Variants in PDZD2 observed in about 807,000 individuals in gnomAD.
PDZD2 encodes PDZ domain containing 2.
PDZD2 carries 90 observed loss-of-function variants against 220.7 expected under a neutral mutation model. The observed-to-expected ratio is 0.41, with a 90% CI of 0.34 to 0.49. PDZD2 has a LOEUF of 0.49. Among genes scored for constraint, PDZD2 ranks in the 20% least tolerant of loss-of-function variants. The pLI is 0.28. For synonymous variants in PDZD2, 1,375 were observed against 1,450.5 expected, an observed-to-expected ratio of 0.95 and a Z score of 1.18; for missense variants, 3,174 against 3,608.5, an observed-to-expected ratio of 0.88 and a Z score of 3.08.
intron 9 of PDZD2, 60 bp downstream of exon 9, chr5:32,052,790 T>C: frequency 6.6e-7 from 1 of 1,514,792 alleles, no homozygotes; most frequent in South Asian, 1.2e-5. Flanking sequence ...ACATTTTTTG[T>C]TTTATTTTAT....
At chr5:31,779,665 G>A (rs1253463491) in intron 1 of PDZD2, among the ~76,000 whole-genome samples, 7 of 152,050 alleles carry the variant, frequency 4.6e-5, no homozygotes, top group Non-Finnish European at 5.9e-5. Context: ...GAGCCACCGC[G>A]CCCGGCCAAA....
At position 31,908,514 on chromosome 5, in the gene PDZD2, T is replaced by C. The variant is rs531508729; in HGVS notation, c.477-74641T>C. 1.1e-4 allele frequency: 113 copies of C among 1,072,304 alleles called. No individual in the cohort carries two copies. The African/African-American group carries it at 1.6e-3, about 15-fold the overall frequency. The allele number at this position is 1,072,304 out of a possible 1,614,324, so 66.4% of individuals were successfully genotyped here. A position where few individuals can be genotyped will look rare whatever the true frequency, so the allele number is the denominator to read the frequency against. ...CGCTCATTGGTGGAAATGCCTCCGC[T>C]GAAGGCCCCGAGGGCGAGGGCACGG... On this transcript the variant is annotated intron_variant, in intron 2 of 24. Coordinates refer to ENST00000438447, the MANE Select transcript of PDZD2 (RefSeq NM_178140.4).
chr5:32,055,357 G>A (rs1738997862), intron 10 of PDZD2, among the ~76,000 whole-genome samples: 1 of 151,848 alleles, frequency 6.6e-6, no homozygotes, highest in Non-Finnish European at 1.5e-5. Flanking sequence ...GTGCACCACT[G>A]TGCCCAGCTA....
At chr5:31,871,097 C>T (rs1738752072) in intron 2 of PDZD2, among the ~76,000 whole-genome samples, 1 of 152,070 alleles carries the variant, frequency 6.6e-6, no homozygotes, top group South Asian at 2.1e-4. Flanking sequence ...TCTAAGTTAG[C>T]ATTAATTTAT....
intron 1 of PDZD2, among the ~76,000 whole-genome samples, chr5:31,794,698 C>T (rs771236608): frequency 1.4e-4 from 22 of 152,036 alleles, no homozygotes; most frequent in East Asian, 3.8e-4. Context: ...TGAACCACTA[C>T]GCCCAGCCCA....
At chr5:32,039,515 C>T (rs2112235354) in intron 7 of PDZD2, among the ~76,000 whole-genome samples, 1 of 152,340 alleles carries the variant, frequency 6.6e-6, no homozygotes, top group South Asian at 2.1e-4. Flanking sequence ...ACAGCCTCTG[C>T]CCGCCCGCCA....
At chr5:31,866,102 A>G (rs1185180938) in intron 2 of PDZD2, among the ~76,000 whole-genome samples, 2 of 151,968 alleles carry the variant, frequency 1.3e-5, no homozygotes, top group Non-Finnish European at 2.9e-5. Flanking sequence ...CTCTGGCTCA[A>G]GCAGTTCTCC....
At chr5:31,674,977 G>C (rs546995698) in intron 1 of PDZD2, among the ~76,000 whole-genome samples, 1 of 152,318 alleles carries the variant, frequency 6.6e-6, no homozygotes, top group South Asian at 2.1e-4. Flanking sequence ...CCAGATCCCT[G>C]TTCTGTGCTA....
chr5:32,104,541 T>C (rs745905675), intron 24 of PDZD2, among the ~76,000 whole-genome samples: 7 of 150,938 alleles, frequency 4.6e-5, no homozygotes, highest in Non-Finnish European at 1.0e-4. Flanking sequence ...CTGGCCAACA[T>C]GGTGAAACCC....
chr5:31,820,822 A>G (rs1429153878), intron 2 of PDZD2, among the ~76,000 whole-genome samples: 1 of 152,158 alleles, frequency 6.6e-6, no homozygotes, highest in African/African-American at 2.4e-5. Flanking sequence ...GTTGGGTATT[A>G]TAATTTAAAT....
chr5:32,045,814 T>G (rs1737891967), intron 7 of PDZD2, among the ~76,000 whole-genome samples: 1 of 151,710 alleles, frequency 6.6e-6, no homozygotes, highest in Non-Finnish European at 1.5e-5. Flanking sequence ...ATATTTAACT[T>G]TAAAAAAAAA....
At chr5:31,805,128 G>A (rs537577664) in intron 2 of PDZD2, among the ~76,000 whole-genome samples, 10 of 152,314 alleles carry the variant, frequency 6.6e-5, no homozygotes, top group African/African-American at 1.9e-4. Flanking sequence ...CCAGGAGGTG[G>A]ATGTTGCAGT....
chr5:31,732,239 T>G (rs1749578106), intron 1 of PDZD2, among the ~76,000 whole-genome samples: 1 of 152,204 alleles, frequency 6.6e-6, no homozygotes, highest in African/African-American at 2.4e-5. Context: ...CTCTTAGGGC[T>G]TATCCACAGA....
At chr5:31,713,113 G>A (rs1561400083) in intron 1 of PDZD2, among the ~76,000 whole-genome samples, 1 of 152,192 alleles carries the variant, frequency 6.6e-6, no homozygotes, top group Admixed American at 6.5e-5. Context: ...TTGAAGAGTG[G>A]CCTTGTGTCA....
chr5:32,073,236 A>G (rs751484396), intron 17 of PDZD2, among the ~76,000 whole-genome samples: 10 of 152,220 alleles, frequency 6.6e-5, no homozygotes, highest in Non-Finnish European at 1.3e-4. Flanking sequence ...TTATAGAAAC[A>G]TTTCAAGGTG....
At chr5:31,865,661 T>A (rs866345114) in intron 2 of PDZD2, among the ~76,000 whole-genome samples, 3 of 126,632 alleles carry the variant, frequency 2.4e-5, no homozygotes, top group African/African-American at 3.2e-5. Context: ...TGAGATGGAG[T>A]CTTGCTCTGT....
At chr5:31,924,292 C>A (rs1744547574) in intron 2 of PDZD2, among the ~76,000 whole-genome samples, 1 of 152,172 alleles carries the variant, frequency 6.6e-6, no homozygotes. Context: ...GCTTGTTCTC[C>A]CTGCTGTGCG....
chr5:32,022,980 G>A (rs1361186146), intron 6 of PDZD2, among the ~76,000 whole-genome samples: 1 of 152,122 alleles, frequency 6.6e-6, no homozygotes, highest in Non-Finnish European at 1.5e-5. Context: ...TAGTCCCATT[G>A]AGAGGTAACC....
At chr5:31,824,377 C>T (rs183732873) in intron 2 of PDZD2, among the ~76,000 whole-genome samples, 62 of 128,484 alleles carry the variant, frequency 4.8e-4, no homozygotes, top group African/African-American at 1.8e-3. Context: ...CAATTTAGTA[C>T]TTGATCCCTC....
Sources: allele counts gnomAD v4.1 joint callset (sites outside exome capture counted in the v4.1 genomes callset), GRCh38; gene constraint gnomAD v4.1.1; transcripts MANE v1.5; gene names NCBI Gene and HGNC (gene_info 2026-07-23, HGNC 2026-07-21).